CDC42BPA: variants seen among roughly 807,000 people sequenced by gnomAD.
The protein encoded by CDC42BPA is CDC42 binding protein kinase alpha.
A neutral mutation model predicts 223.5 loss-of-function variants in CDC42BPA; 80 were observed. The ratio of observed to expected loss-of-function variants is 0.36; its 90% CI spans 0.30 to 0.43. The LOEUF is 0.43. Among genes scored for constraint, CDC42BPA ranks in the 20% least tolerant of loss-of-function variants. The probability of loss-of-function intolerance (pLI) is 1.00; values close to 1 mark genes in which losing one functional copy is unlikely to be tolerated. For synonymous variants in CDC42BPA, 694 were observed against 718.6 expected (o/e 0.97, Z 0.55); for missense variants, 1,743 against 2,099.9 (o/e 0.83, Z 3.32).
rs368551355 is a variant in CDC42BPA, at chr1:227,101,731, G to A, written c.2002-492C>T. Among the ~76,000 whole-genome samples, 22 of 152,202 alleles carry A rather than the reference G, an allele frequency of 1.4e-4. No homozygotes were observed. In the East Asian group the frequency reaches 3.7e-3, roughly 25 times the overall value. ...CAGAAACCTTTTGCAATAGTCCTGT[G>A]AGAAATGGCAAAGGTCTAAACTAAC... On this transcript the variant is annotated intron_variant, in intron 14 of 36. Coordinates refer to ENST00000366766, the MANE Select transcript of CDC42BPA (RefSeq NM_001394014.1).
intron 5 of CDC42BPA, among the ~76,000 whole-genome samples, chr1:227,182,548 C>T (rs1163859797): frequency 6.6e-6 from 1 of 152,196 alleles, no homozygotes; most frequent in Admixed American, 6.5e-5. Context: ...CCACCAGCTT[C>T]CCCCAATGGT....
chr1:227,084,844 TGCG>T (rs1681501028), intron 16 of CDC42BPA, among the ~76,000 whole-genome samples: 1 of 149,678 alleles, frequency 6.7e-6, no homozygotes, highest in South Asian at 2.1e-4. Flanking sequence ...AGGGTGTCTC[TGCG>T]TAACACTTGA....
At chr1:227,245,448 A>C (rs1181937087) in intron 2 of CDC42BPA, among the ~76,000 whole-genome samples, 2 of 151,474 alleles carry the variant, frequency 1.3e-5, no homozygotes, top group Non-Finnish European at 1.5e-5. Flanking sequence ...GTGCCACCTC[A>C]CCCAGCTAAT....
intron 1 of CDC42BPA, among the ~76,000 whole-genome samples, chr1:227,279,345 A>G (rs1687646632): frequency 6.6e-6 from 1 of 152,130 alleles, no homozygotes; most frequent in Non-Finnish European, 1.5e-5. Context: ...AGTTACAGTG[A>G]TGGAGGTACT....
chr1:227,121,545 G>A (rs1172499779), intron 11 of CDC42BPA, among the ~76,000 whole-genome samples: 2 of 152,118 alleles, frequency 1.3e-5, no homozygotes, highest in Non-Finnish European at 2.9e-5. Flanking sequence ...ATGTAAAGTT[G>A]TATTAACTGG....
chr1:227,003,381 C>T (rs1055303011), intron 35 of CDC42BPA, among the ~76,000 whole-genome samples: 31 of 152,142 alleles, frequency 2.0e-4, no homozygotes, highest in African/African-American at 6.8e-4. Context: ...TCTCTGATCT[C>T]CAAGCAAGTA....
chr1:227,132,865 G>A (rs1318705980), intron 10 of CDC42BPA, among the ~76,000 whole-genome samples: 1 of 144,262 alleles, frequency 6.9e-6, no homozygotes, highest in African/African-American at 2.6e-5. Flanking sequence ...CGGCCGCCCC[G>A]TCTGAGAAGT....
At chr1:227,256,732 A>C (rs1189057143) in intron 1 of CDC42BPA, among the ~76,000 whole-genome samples, 1 of 152,128 alleles carries the variant, frequency 6.6e-6, no homozygotes, top group Non-Finnish European at 1.5e-5. Flanking sequence ...GCTTTGTAAA[A>C]CAGTTGGGTA....
At chr1:227,093,366 T>C (rs903154266) in intron 15 of CDC42BPA, among the ~76,000 whole-genome samples, 1 of 152,232 alleles carries the variant, frequency 6.6e-6, no homozygotes, top group African/African-American at 2.4e-5. Flanking sequence ...TCAGAATGAG[T>C]GCAGTCCCCA....
chr1:227,114,271 C>G (rs958548269), intron 12 of CDC42BPA, among the ~76,000 whole-genome samples: 1 of 151,864 alleles, frequency 6.6e-6, no homozygotes, highest in African/African-American at 2.4e-5. Context: ...AGACTAAGAA[C>G]AGACACTGAA....
At chr1:227,135,541 T>C (rs1195839689) in intron 10 of CDC42BPA, among the ~76,000 whole-genome samples, 1 of 151,826 alleles carries the variant, frequency 6.6e-6, no homozygotes, top group East Asian at 1.9e-4. Flanking sequence ...AAATCAAAGG[T>C]AGGGTTGAGT....
At chr1:227,244,386 C>T (rs1237599072) in intron 2 of CDC42BPA, among the ~76,000 whole-genome samples, 1 of 151,346 alleles carries the variant, frequency 6.6e-6, no homozygotes, top group African/African-American at 2.4e-5. Context: ...AGCCAGAAAC[C>T]AGAGTATATA....
At chr1:227,261,188 T>C (rs1684008069) in intron 1 of CDC42BPA, among the ~76,000 whole-genome samples, 1 of 145,712 alleles carries the variant, frequency 6.9e-6, no homozygotes, top group Non-Finnish European at 1.5e-5. Context: ...TGATCTCACC[T>C]CACTGCAACC....
rs1231834786 is a variant in CDC42BPA at position 226,992,927 on chromosome 1, C to T, written c.*1341G>A. 2 of 152,264 alleles carry T rather than the reference C, an allele frequency of 1.3e-5. No individual in the cohort carries two copies. Among genetic ancestry groups the T allele is most frequent in the East Asian group, 1.9e-4 (1 of 5,194 alleles). 9.4% of individuals were successfully genotyped at this position (152,264 alleles called of 1,614,324 possible). The stretch of plus-strand genomic sequence containing the variant: ...CAGTCGGAGCGCCGTGCTGGGCTCA[C>T]TCACTCTGGCCTGCGCACTGGGGTT... On this transcript the variant is annotated 3_prime_UTR_variant, in exon 37 of 37. Transcript: ENST00000366766.
chr1:227,103,549 A>G (rs1685404500), intron 14 of CDC42BPA, among the ~76,000 whole-genome samples: 1 of 152,076 alleles, frequency 6.6e-6, no homozygotes, highest in Non-Finnish European at 1.5e-5. Context: ...TACTCCGTGG[A>G]TAAGAATAAA....
At chr1:227,090,969 G>A (rs1682962843) in intron 16 of CDC42BPA, among the ~76,000 whole-genome samples, 1 of 152,096 alleles carries the variant, frequency 6.6e-6, no homozygotes, top group Admixed American at 6.6e-5. Flanking sequence ...CATGAATATG[G>A]CTACTTCTCA....
intron 14 of CDC42BPA, among the ~76,000 whole-genome samples, chr1:227,102,051 A>G (rs1685132728): frequency 6.6e-6 from 1 of 152,296 alleles, no homozygotes; most frequent in South Asian, 2.1e-4. Flanking sequence ...TTGCAATAAA[A>G]CTTTTAAAAC....
At chr1:227,040,760 C>T (rs758266237) in intron 23 of CDC42BPA, among the ~76,000 whole-genome samples, 2 of 152,148 alleles carry the variant, frequency 1.3e-5, no homozygotes, top group Non-Finnish European at 2.9e-5. Context: ...GGCAGTATAA[C>T]ACTTGAGCAG....
At chr1:227,057,884 G>T (rs10799382) in intron 21 of CDC42BPA, among the ~76,000 whole-genome samples, 1 of 151,970 alleles carries the variant, frequency 6.6e-6, no homozygotes, top group African/African-American at 2.4e-5. Context: ...AAGTCTGCAA[G>T]GCAAGTGAGA....
Sources: allele counts gnomAD v4.1 joint callset (sites outside exome capture counted in the v4.1 genomes callset), GRCh38; gene constraint gnomAD v4.1.1; transcripts MANE v1.5; gene names NCBI Gene and HGNC (gene_info 2026-07-23, HGNC 2026-07-21).